VGLL4: variants seen among roughly 807,000 people sequenced by gnomAD.
VGLL4 encodes vestigial like family member 4.
VGLL4 carries 7 observed loss-of-function variants against 21.0 expected under a neutral mutation model. The observed-to-expected ratio is 0.33, with a 90% CI of 0.19 to 0.63. VGLL4 has a LOEUF of 0.63. Ranked by LOEUF, VGLL4 falls within the 20% of genes least tolerant of loss-of-function variation. VGLL4 has a pLI of 0.78. For synonymous variants in VGLL4, 222 were observed against 173.2 expected, an observed-to-expected ratio of 1.28 and a Z score of -2.21; for missense variants, 394 against 425.7, an observed-to-expected ratio of 0.93 and a Z score of 0.66.
At chr3:11,704,927 G>T (rs1405969666) in intron 1 of VGLL4, among the ~76,000 whole-genome samples, 11 of 152,332 alleles carry the variant, frequency 7.2e-5, no homozygotes, top group Non-Finnish European at 7.3e-5. Flanking sequence ...AACAGAACTT[G>T]AGCGGAGGCT....
chr3:11,648,389 T>G (rs1208512282), upstream of VGLL4, among the ~76,000 whole-genome samples: 1 of 152,204 alleles, frequency 6.6e-6, no homozygotes, highest in Non-Finnish European at 1.5e-5. Context: ...TTTTAAAGAT[T>G]ATTTAGATGC....
intron 1 of VGLL4, among the ~76,000 whole-genome samples, chr3:11,602,712 AATTAGGGTCCAC>A (rs1425832947): frequency 6.6e-6 from 1 of 152,198 alleles, no homozygotes; most frequent in African/African-American, 2.4e-5. Flanking sequence ...TAGGCAATCA[AATTAGGGTCCAC>A]ATTTCCATTT....
In VGLL4 at chr3:11,565,838, A is replaced by G. The variant is rs57761877; in HGVS notation, c.273-819T>C. ...TGCATCTATTAGACACCAACCCCAC[A>G]CAGGTAAGCCATGGCCAGCCCTGGT... is the stretch of plus-strand genomic sequence containing the variant. On this transcript the variant is annotated intron_variant, in intron 2 of 4. Transcript: ENST00000430365. The surrounding 1 kb of genome is among the most constrained non-coding windows in gnomAD (Gnocchi z 4.1). Among the ~76,000 whole-genome samples the G allele has an allele frequency of 0.016, 2,463 of 152,234 alleles. 63 individuals are homozygous for G. The highest frequency in any genetic ancestry group is 0.053 in the African/African-American group (2,194 of 41,508).
Position 11,557,235 on chromosome 3 carries a change from A to ACT in VGLL4, c.*1320_*1321insAG. ...ATTTCTAGTTAGTAGCTATTAATAT[A>ACT]GCAAATAATAAATGCAGTAATAACA... is the stretch of plus-strand genomic sequence containing the variant. On this transcript the variant is annotated 3_prime_UTR_variant, in exon 5 of 5. Transcript: ENST00000430365. The ACT allele has an allele frequency of 6.5e-6, 1 of 152,808 alleles. No homozygotes were observed. Among genetic ancestry groups the ACT allele is most frequent in the Non-Finnish European group, 1.5e-5 (1 of 68,044 alleles). The allele number at this position is 152,808 out of a possible 1,614,324, so 9.5% of individuals were successfully genotyped here. A position where few individuals can be genotyped will look rare whatever the true frequency, so the allele number is the denominator to read the frequency against.
chr3:11,659,367 T>G, intron 2 of VGLL4, among the ~76,000 whole-genome samples: 1 of 148,592 alleles, frequency 6.7e-6, no homozygotes. Flanking sequence ...GTTTTGCTCT[T>G]ATTGCCCAGG....
chr3:11,567,875 C>T (rs1474522298), intron 2 of VGLL4, among the ~76,000 whole-genome samples: 1 of 152,194 alleles, frequency 6.6e-6, no homozygotes, highest in Non-Finnish European at 1.5e-5. Flanking sequence ...TTCTCTCCAC[C>T]CCAGGTGATG....
chr3:11,572,395 A>G (rs2073809971), intron 2 of VGLL4, among the ~76,000 whole-genome samples: 1 of 152,076 alleles, frequency 6.6e-6, no homozygotes, highest in South Asian at 2.1e-4. Flanking sequence ...AAATACAAAG[A>G]CTCGTGTACC....
Position 11,568,534 on chromosome 3 carries a change from GAC to G in VGLL4, c.273-3517_273-3516del, listed in dbSNP as rs573167742. 5 of 1,544,452 alleles carry G rather than the reference GAC, an allele frequency of 3.2e-6. No homozygotes were observed. The highest frequency in any genetic ancestry group is 3.5e-6 in the Non-Finnish European group (4 of 1,140,300). ...CAGTGGGCACTATGGGTCAGACAAA[GAC>G]ACTGAAAACAGCGAGAAAAGGCCTG... On this transcript the variant is annotated intron_variant, in intron 2 of 4. Transcript: ENST00000430365. This position sits in a 1 kb window ranked among gnomAD's most constrained non-coding sequence, Gnocchi z 5.9.
intron 2 of VGLL4, among the ~76,000 whole-genome samples, chr3:11,578,749 T>TTTTC (rs1491515619): frequency 2.4e-3 from 12 of 4,952 alleles, no homozygotes; most frequent in South Asian, 5.6e-3. Flanking sequence ...GTATATTTTC[T>TTTTC]TTTTTTTTTT....
intron 1 of VGLL4, among the ~76,000 whole-genome samples, chr3:11,635,995 G>A (rs1368594849): frequency 6.6e-6 from 1 of 152,114 alleles, no homozygotes; most frequent in African/African-American, 2.4e-5. Context: ...TTTATCAGTG[G>A]CTCATCAGAA....
chr3:11,656,086 G>A (rs895078338), intron 2 of VGLL4, among the ~76,000 whole-genome samples: 15 of 152,214 alleles, frequency 9.9e-5, no homozygotes, highest in African/African-American at 3.4e-4. Context: ...GATGCTCTGC[G>A]TGGTTACAAT....
intron 2 of VGLL4, among the ~76,000 whole-genome samples, chr3:11,590,073 C>T (rs1377514419): frequency 6.6e-6 from 1 of 152,176 alleles, no homozygotes; most frequent in Admixed American, 6.5e-5. Flanking sequence ...AGGAGCAGAC[C>T]TGGGAGACTG....
intron 2 of VGLL4, among the ~76,000 whole-genome samples, chr3:11,594,985 A>T (rs1462416428): frequency 2.6e-5 from 4 of 152,218 alleles, no homozygotes; most frequent in African/African-American, 9.6e-5. Context: ...AACATGGAGA[A>T]ACCCCATCTC....
chr3:11,562,551 A>G (rs1366272180), intron 3 of VGLL4, among the ~76,000 whole-genome samples: 1 of 152,236 alleles, frequency 6.6e-6, no homozygotes, highest in African/African-American at 2.4e-5. Flanking sequence ...ACTTCCAGGA[A>G]GAGACCTCGG....
Position 11,564,813 on chromosome 3 carries a change from G to T in VGLL4, c.479C>A (p.Pro160Gln), listed in dbSNP as rs759608846. Residue 160 changes from proline (P) to glutamine (Q), a missense_variant, in exon 3 of 5, where the codon CCG (proline) becomes CAG (glutamine). By Grantham distance (76) the Pro-to-Gln change is moderately conservative (BLOSUM62 -1). Transcript: ENST00000430365. ...GAGGCCCACCTGCTGCCGCTCCCCC[G>T]GGGTCAGTGTGGGCGAGAGGCCGGC... ...RPAGLSPTLTPGERQQNRPSV... is the reference protein window; with the variant it reads ...RPAGLSPTLTQGERQQNRPSV... 1 of 1,570,926 alleles carries T rather than the reference G, an allele frequency of 6.4e-7. No individual in the cohort carries two copies.
Position 11,691,433 on chromosome 3 carries a change from T to C in VGLL4, c.64+11538A>G, listed in dbSNP as rs185036866. Among the ~76,000 whole-genome samples the C allele has an allele frequency of 2.1e-3, 325 of 152,170 alleles. 2 individuals carry two copies. The highest frequency in any genetic ancestry group is 7.5e-3 in the African/African-American group (313 of 41,512). Reference sequence around the variant, plus strand: ...GTGCTGGTAAACGTTAACAACTGGCTCTCTATAGAAGAAAAACAAAAGCAA... The same window carrying C: ...GTGCTGGTAAACGTTAACAACTGGCCCTCTATAGAAGAAAAACAAAAGCAA... On this transcript the variant is annotated intron_variant, in intron 2 of 5. Coordinates refer to the VGLL4 transcript ENST00000273038.
intron 1 of VGLL4, among the ~76,000 whole-genome samples, chr3:11,629,207 AG>A (rs1339550197): frequency 1.3e-5 from 2 of 152,232 alleles, no homozygotes; most frequent in African/African-American, 4.8e-5. Context: ...TGAAATCAAT[AG>A]TGCAATATGG....
At chr3:11,574,433 C>G (rs10865707) in intron 2 of VGLL4, among the ~76,000 whole-genome samples, 111,896 of 152,008 alleles carry the variant, frequency 0.74, 41,203 homozygotes, top group Non-Finnish European at 0.76. Flanking sequence ...CAGAGCTGGG[C>G]AGGCCAAGTC....
chr3:11,642,926 C>A (rs1189235663), intron 1 of VGLL4, among the ~76,000 whole-genome samples: 1 of 152,148 alleles, frequency 6.6e-6, no homozygotes, highest in African/African-American at 2.4e-5. Flanking sequence ...CTTCCGGCCC[C>A]ACGCGGGAGA....
Sources: gnomAD v4.1 joint callset for allele counts (sites outside exome capture counted in the v4.1 genomes callset) on GRCh38, gnomAD v4.1.1 for gene constraint, Gnocchi (gnomAD v3.1) non-coding constraint, MANE v1.5 for transcripts, NCBI Gene and HGNC (gene_info 2026-07-23, HGNC 2026-07-21) for gene names.